The following DPP6 variants were observed in gnomAD, a reference collection of about 807,000 sequenced individuals.
DPP6 encodes A-type potassium channel modulatory protein DPP6.
In DPP6, 69 loss-of-function variants were observed where a neutral mutation model predicts 122.6. That is an observed-to-expected ratio of 0.56 (90% CI 0.46 to 0.69). The LOEUF is 0.69. DPP6 is among the 30% of genes least tolerant of loss of function. The probability of loss-of-function intolerance (pLI) is 0.00; values close to 1 mark genes in which losing one functional copy is unlikely to be tolerated. For synonymous variants in DPP6, 418 were observed against 433.1 expected (o/e 0.97, Z 0.43); for missense variants, 928 against 1,116.9 (o/e 0.83, Z 2.41).
intron 1 of DPP6, among the ~76,000 whole-genome samples, chr7:154,436,260 T>C (rs1350717131): frequency 6.6e-6 from 1 of 151,136 alleles, no homozygotes; most frequent in East Asian, 1.9e-4. Flanking sequence ...TCCTGACATG[T>C]AGCCACACAT....
intron 1 of DPP6, among the ~76,000 whole-genome samples, chr7:153,983,217 G>C (rs1311624016): frequency 2.6e-5 from 4 of 152,240 alleles, no homozygotes; most frequent in Non-Finnish European, 5.9e-5. Flanking sequence ...GACTGGGGCT[G>C]CTGCCTTTCT....
chr7:154,081,659 C>T (rs1331016189), intron 1 of DPP6, among the ~76,000 whole-genome samples: 10 of 148,840 alleles, frequency 6.7e-5, no homozygotes, highest in South Asian at 4.3e-4. Flanking sequence ...AATCAAGGGA[C>T]GTCAAGAGCG....
At chr7:153,843,165 TACAC>T in the DPP6 span, among the ~76,000 whole-genome samples, 8 of 151,300 alleles carry the variant, frequency 5.3e-5, no homozygotes, top group Middle Eastern at 3.5e-3. Context: ...CATATGTGCA[TACAC>T]ACACGAGTGC....
chr7:154,892,601 A>C lies in DPP6; in HGVS notation c.*121A>C, dbSNP rs900372944. 43 of 1,540,508 alleles carry C rather than the reference A, an allele frequency of 2.8e-5. No homozygotes were observed. Among genetic ancestry groups the C allele is most frequent in the Non-Finnish European group, 3.7e-5 (42 of 1,144,944 alleles). On this transcript the variant is annotated 3_prime_UTR_variant, in exon 26 of 26. Coordinates refer to ENST00000377770, the MANE Select transcript of DPP6 (RefSeq NM_130797.4). ...GGGGCGGGGCCGGGTGTTCCATAGCATGTGTGTCTCGGATGCGGAAGGCAG... is the reference window on the plus strand; with the variant it reads ...GGGGCGGGGCCGGGTGTTCCATAGCCTGTGTGTCTCGGATGCGGAAGGCAG...
chr7:153,822,179 A>G, the DPP6 span, among the ~76,000 whole-genome samples: 2 of 95,146 alleles, frequency 2.1e-5, no homozygotes, highest in African/African-American at 3.7e-5. Context: ...AAGGGGGGGA[A>G]TCTTTTTTTT....
At chr7:154,168,695 C>G (rs552463578) in intron 1 of DPP6, among the ~76,000 whole-genome samples, 1 of 152,046 alleles carries the variant, frequency 6.6e-6, no homozygotes, top group Admixed American at 6.6e-5. Flanking sequence ...CCTGTTCCAC[C>G]GACATCAGAA....
chr7:153,759,945 C>G, the DPP6 span, among the ~76,000 whole-genome samples: 30 of 151,592 alleles, frequency 2.0e-4, no homozygotes, highest in Admixed American at 1.8e-3. Context: ...GTTTCTGTCT[C>G]TCTCTCTGTC....
the DPP6 span, among the ~76,000 whole-genome samples, chr7:153,866,842 G>A: frequency 1.3e-5 from 2 of 152,022 alleles, no homozygotes; most frequent in South Asian, 2.1e-4. Flanking sequence ...TGTAAGGAAG[G>A]GATCCAGTTT....
chr7:153,927,077 C>G (rs547362086), intron 1 of DPP6, among the ~76,000 whole-genome samples: 1 of 151,354 alleles, frequency 6.6e-6, no homozygotes, highest in Non-Finnish European at 1.5e-5. Context: ...CTTTGGAAGA[C>G]GAAGGCAGGA....
At chr7:154,367,094 A>T (rs1812253083) in intron 1 of DPP6, among the ~76,000 whole-genome samples, 1 of 151,874 alleles carries the variant, frequency 6.6e-6, no homozygotes, top group Non-Finnish European at 1.5e-5. Context: ...GTCCCATTGG[A>T]GTTGTTGAGA....
chr7:154,784,535 G>A (rs1381168068), intron 10 of DPP6, among the ~76,000 whole-genome samples: 5 of 152,170 alleles, frequency 3.3e-5, no homozygotes, highest in Non-Finnish European at 7.3e-5. Flanking sequence ...TGTACACTCA[G>A]TGAGCTGATG....
intron 22 of DPP6, among the ~76,000 whole-genome samples, chr7:154,886,414 G>A (rs2150695113): frequency 6.6e-6 from 1 of 152,344 alleles, no homozygotes; most frequent in Admixed American, 6.5e-5. Flanking sequence ...CCAGACCTCT[G>A]TCCAGGCACA....
At chr7:154,400,690 T>C (rs2151184710) in intron 1 of DPP6, among the ~76,000 whole-genome samples, 1 of 152,328 alleles carries the variant, frequency 6.6e-6, no homozygotes, top group East Asian at 1.9e-4. Context: ...ACATACAAAA[T>C]ACACCTTTGG....
At chr7:154,062,550 G>A (rs1372815211) in intron 1 of DPP6, among the ~76,000 whole-genome samples, 8 of 11,160 alleles carry the variant, frequency 7.2e-4, no homozygotes, top group South Asian at 8.9e-3. Context: ...CCTGGCTTTT[G>A]GTACCCCCAT....
At chr7:153,838,164 G>C in the DPP6 span, among the ~76,000 whole-genome samples, 1 of 152,034 alleles carries the variant, frequency 6.6e-6, no homozygotes, top group Non-Finnish European at 1.5e-5. Flanking sequence ...CTTCATACTG[G>C]GCATCCAAGA....
intron 1 of DPP6, among the ~76,000 whole-genome samples, chr7:154,293,638 A>G (rs1244623240): frequency 6.6e-6 from 1 of 152,072 alleles, no homozygotes; most frequent in Non-Finnish European, 1.5e-5. Context: ...GACATACATA[A>G]ATGTTTTCTA....
chr7:154,652,120 C>T (rs1836914085), intron 6 of DPP6, among the ~76,000 whole-genome samples: 2 of 152,130 alleles, frequency 1.3e-5, no homozygotes, highest in Admixed American at 6.5e-5. Flanking sequence ...ATAGGGGGCT[C>T]CTCCGCAGGC....
intron 1 of DPP6, among the ~76,000 whole-genome samples, chr7:154,187,378 C>T (rs998731431): frequency 1.3e-5 from 2 of 152,170 alleles, no homozygotes; most frequent in East Asian, 1.9e-4. Context: ...AGTGGCTTTG[C>T]TGTTTAGACT....
At chr7:154,107,069 C>A (rs1806216427) in intron 1 of DPP6, among the ~76,000 whole-genome samples, 1 of 152,112 alleles carries the variant, frequency 6.6e-6, no homozygotes, top group Admixed American at 6.5e-5. Flanking sequence ...GATGATCCAG[C>A]AATCCCACTT....
Sources: allele counts gnomAD v4.1 joint callset (sites outside exome capture counted in the v4.1 genomes callset), GRCh38; gene constraint gnomAD v4.1.1; transcripts MANE v1.5; gene names NCBI Gene and HGNC (gene_info 2026-07-23, HGNC 2026-07-21).